Variants in PTPRG observed in about 807,000 individuals in gnomAD.
PTPRG encodes the protein protein tyrosine phosphatase receptor type G.
Under a neutral mutation model 165.3 loss-of-function variants are expected in PTPRG, and 102 were observed. That is an observed-to-expected ratio of 0.62 (90% CI 0.53 to 0.73). The LOEUF is 0.73. Ranked by LOEUF, PTPRG falls within the 30% of genes least tolerant of loss-of-function variation. PTPRG has a pLI of 0.00. For missense variants in PTPRG, 1,866 were observed against 1,861.4 expected (o/e 1.00, Z -0.05); for synonymous variants, 675 against 669.5 (o/e 1.01, Z -0.13).
chr3:61,942,217 C>T (rs187014557), intron 2 of PTPRG, among the ~76,000 whole-genome samples: 1 of 152,086 alleles, frequency 6.6e-6, no homozygotes, highest in Admixed American at 6.5e-5. Flanking sequence ...TTGGCCATGG[C>T]CATGTTGGAG....
At chr3:61,624,491 T>C (rs950606728) in intron 1 of PTPRG, among the ~76,000 whole-genome samples, 1 of 152,168 alleles carries the variant, frequency 6.6e-6, no homozygotes, top group East Asian at 1.9e-4. Context: ...ATGTGGTGGT[T>C]TGAGCCACAG....
At chr3:61,999,815 G>C (rs1041835409) in intron 3 of PTPRG, among the ~76,000 whole-genome samples, 3 of 152,028 alleles carry the variant, frequency 2.0e-5, no homozygotes, top group Non-Finnish European at 4.4e-5. Flanking sequence ...TAAATTTTAG[G>C]GTTATGCTTA....
intron 15 of PTPRG, among the ~76,000 whole-genome samples, chr3:62,247,328 A>G (rs890778329): frequency 6.6e-6 from 1 of 152,136 alleles, no homozygotes; most frequent in African/African-American, 2.4e-5. Context: ...CGACTGTAAC[A>G]GTTTTCATAT....
At chr3:62,267,586 C>T (rs1303138948) in intron 18 of PTPRG, 94 bp downstream of exon 18, 1 of 1,533,212 alleles carries the variant, frequency 6.5e-7, no homozygotes, top group African/African-American at 1.4e-5. Context: ...AGAGCTTTCA[C>T]TAAAAACAAA....
chr3:62,052,591 A>G (rs1700501052), intron 4 of PTPRG, among the ~76,000 whole-genome samples: 1 of 152,180 alleles, frequency 6.6e-6, no homozygotes, highest in African/African-American at 2.4e-5. Flanking sequence ...GCTACTTGGG[A>G]GGCTGAGTCA....
At position 62,031,142 on chromosome 3, in the gene PTPRG, G is replaced by C. The variant is rs185815152; in HGVS notation, c.519+27645G>C. ...TACGTAATCAACAAATAGGTGTTTA[G>C]GAGTAACTGTATACCAGCTTATGTG... On this transcript the variant is annotated intron_variant, in intron 4 of 29. Coordinates refer to ENST00000474889, the MANE Select transcript of PTPRG (RefSeq NM_002841.4). Among the ~76,000 whole-genome samples, 7 of 152,332 alleles carry C rather than the reference G, an allele frequency of 4.6e-5. No individual in the cohort carries two copies. In the East Asian group the frequency reaches 1.2e-3, roughly 25 times the overall value.
intron 4 of PTPRG, among the ~76,000 whole-genome samples, chr3:62,023,080 A>G (rs1203055282): frequency 6.6e-6 from 1 of 152,184 alleles, no homozygotes; most frequent in Admixed American, 6.5e-5. Flanking sequence ...TTACAGCTAT[A>G]TATATTATGA....
intron 2 of PTPRG, among the ~76,000 whole-genome samples, chr3:61,815,072 C>T (rs1190742782): frequency 6.6e-6 from 1 of 151,808 alleles, no homozygotes; most frequent in African/African-American, 2.4e-5. Context: ...TTAGTGGCTG[C>T]TGCTTTCTCA....
At chr3:61,973,220 TTACCTGCAAGGAAAGGAATTC>T in intron 2 of PTPRG, among the ~76,000 whole-genome samples, 2 of 152,350 alleles carry the variant, frequency 1.3e-5, no homozygotes, top group South Asian at 4.1e-4. Context: ...ATTAGCAGTT[TTACCTGCAAGGAAAGGAATTC>T]TAAATTGCTA....
At chr3:62,116,199 G>A (rs371752260) in intron 5 of PTPRG, among the ~76,000 whole-genome samples, 1 of 152,030 alleles carries the variant, frequency 6.6e-6, no homozygotes, top group Non-Finnish European at 1.5e-5. Flanking sequence ...TGCCTGTGAG[G>A]TTCTGCTGAC....
intron 2 of PTPRG, among the ~76,000 whole-genome samples, chr3:61,781,185 AT>A (rs774442718): frequency 1.5e-4 from 23 of 152,322 alleles, no homozygotes; most frequent in Admixed American, 2.6e-4. Context: ...GAAATTTAAT[AT>A]TGATTCCCAT....
chr3:62,293,022 T>A (rs979430721), intron 29 of PTPRG, 139 bp from the exon 30 acceptor site: 125 of 680,934 alleles, frequency 1.8e-4, no homozygotes, highest in Non-Finnish European at 2.6e-4. Flanking sequence ...ATTTTTTTTT[T>A]AGTTTTTTTA....
At chr3:61,742,968 C>G (rs918499388) in intron 1 of PTPRG, 6 of 1,504,856 alleles carry the variant, frequency 4.0e-6, no homozygotes, top group Non-Finnish European at 4.6e-6. Context: ...CCGAGAAGCA[C>G]TTGTCCTTCT....
chr3:61,767,993 AT>A (rs962350354), intron 2 of PTPRG, among the ~76,000 whole-genome samples: 3 of 149,126 alleles, frequency 2.0e-5, no homozygotes, highest in Admixed American at 6.8e-5. Flanking sequence ...AAAAAAAAAA[AT>A]CTTGGTATTT....
At chr3:61,567,953 G>A (rs1699958326) in intron 1 of PTPRG, among the ~76,000 whole-genome samples, 1 of 125,074 alleles carries the variant, frequency 8.0e-6, no homozygotes, top group South Asian at 2.9e-4. Context: ...GCGACATAGT[G>A]AGACCCTGCC....
intron 2 of PTPRG, among the ~76,000 whole-genome samples, chr3:61,855,492 C>T (rs2107380444): frequency 6.6e-6 from 1 of 151,424 alleles, no homozygotes; most frequent in Admixed American, 6.6e-5. Flanking sequence ...TTGGAGTCTT[C>T]TAAAATTTTA....
chr3:61,630,022 T>C (rs2106924978), intron 1 of PTPRG, among the ~76,000 whole-genome samples: 1 of 152,360 alleles, frequency 6.6e-6, no homozygotes, highest in East Asian at 1.9e-4. Context: ...GAGAAGTTAC[T>C]CAAATTTTGG....
intron 5 of PTPRG, among the ~76,000 whole-genome samples, chr3:62,122,996 T>A (rs1703134874): frequency 6.6e-6 from 1 of 152,204 alleles, no homozygotes; most frequent in Non-Finnish European, 1.5e-5. Context: ...TGACGTATTC[T>A]ATTCCGCTAC....
At chr3:61,719,573 T>C (rs1575608681) in intron 1 of PTPRG, among the ~76,000 whole-genome samples, 1 of 152,152 alleles carries the variant, frequency 6.6e-6, no homozygotes, top group South Asian at 2.1e-4. Flanking sequence ...AGGGAGAAGG[T>C]GGAATAAACC....
Sources: allele counts gnomAD v4.1 joint callset (sites outside exome capture counted in the v4.1 genomes callset), GRCh38; gene constraint gnomAD v4.1.1; transcripts MANE v1.5; gene names NCBI Gene and HGNC (gene_info 2026-07-23, HGNC 2026-07-21).